IL17B: variants seen among roughly 807,000 people sequenced by gnomAD.
IL17B encodes interleukin 17B, also known as interleukin-17B.
A neutral mutation model predicts 14.7 loss-of-function variants in IL17B; 14 were observed. The ratio of observed to expected loss-of-function variants is 0.95; its 90% CI spans 0.63 to 1.49. The LOEUF (loss-of-function observed/expected upper bound fraction) is 1.49. Ranked by LOEUF, IL17B falls within the 40% of genes most tolerant of loss-of-function variation. The pLI is 0.00. For synonymous variants in IL17B, 105 were observed against 94.8 expected (o/e 1.11, Z -0.62); for missense variants, 233 against 252.8 (o/e 0.92, Z 0.53).
At chr5:149,388,983 G>C (rs1758884967) in intron 1 of IL17B, among the ~76,000 whole-genome samples, 2 of 152,252 alleles carry the variant, frequency 1.3e-5, no homozygotes, top group South Asian at 4.1e-4. Context: ...GAGGCTGAGA[G>C]GATGGGTGTA....
chr5:149,376,090 G>C (rs1002552433), intron 2 of IL17B, among the ~76,000 whole-genome samples: 1 of 152,130 alleles, frequency 6.6e-6, no homozygotes, highest in Non-Finnish European at 1.5e-5. Context: ...GGACCTCAGG[G>C]TCAGCCCTTT....
chr5:149,374,570 C>T lies in IL17B; in HGVS notation c.342G>A (p.Val114=). 3 of 1,612,622 alleles carry T rather than the reference C, an allele frequency of 1.9e-6. No individual in the cohort carries two copies. Among genetic ancestry groups the T allele is most frequent in the Non-Finnish European group, 2.5e-6 (3 of 1,179,424 alleles). ...ACAGGCACCGTGCCTCCGGCAGGTC[C>T]ACGGGGATACGGCTGGGGTCGTGGT... The part of the protein sequence containing the change: ...SINHDPSRIP[V]DLPEARCLCL... Residue 114 remains valine (V), a synonymous_variant, in exon 3 of 3, where the codon GTG becomes GTA. Coordinates refer to ENST00000261796, the MANE Select transcript of IL17B (RefSeq NM_014443.3). The surrounding 1 kb of genome is among the most constrained non-coding windows in gnomAD (Gnocchi z 5.0).
intron 1 of IL17B, among the ~76,000 whole-genome samples, chr5:149,396,515 G>A (rs1428391617): frequency 2.6e-5 from 4 of 152,180 alleles, no homozygotes; most frequent in African/African-American, 7.2e-5. Context: ...CAGCACTTTA[G>A]GAGGCTGAGG....
intron 1 of IL17B, among the ~76,000 whole-genome samples, chr5:149,390,225 CCT>C (rs1491471064): frequency 2.0e-5 from 3 of 146,686 alleles, no homozygotes; most frequent in Admixed American, 6.7e-5. Flanking sequence ...TGACCCCCCC[CCT>C]CCCTGTCCCT....
At chr5:149,387,406 A>G (rs1758846752) in intron 1 of IL17B, among the ~76,000 whole-genome samples, 1 of 152,142 alleles carries the variant, frequency 6.6e-6, no homozygotes, top group Non-Finnish European at 1.5e-5. Flanking sequence ...CCAGCCAAGG[A>G]CCCACGCAGA....
chr5:149,388,839 G>A (rs1407762791), intron 1 of IL17B, among the ~76,000 whole-genome samples: 1 of 152,238 alleles, frequency 6.6e-6, no homozygotes, highest in African/African-American at 2.4e-5. Context: ...CAGATCTGCA[G>A]AGGTCAAAAA....
intron 1 of IL17B, among the ~76,000 whole-genome samples, chr5:149,400,449 C>A (rs140602896): frequency 0.018 from 2,692 of 152,248 alleles, 33 homozygotes; most frequent in Middle Eastern, 0.041. Flanking sequence ...TTTAAGCCAC[C>A]CTGTCTGGAT....
intron 1 of IL17B, among the ~76,000 whole-genome samples, chr5:149,385,411 T>C (rs1758804918): frequency 1.3e-5 from 2 of 152,170 alleles, no homozygotes; most frequent in South Asian, 4.1e-4. Flanking sequence ...CCCAAAGTGC[T>C]GGCATTACAG....
chr5:149,395,130 C>T (rs755379673), intron 1 of IL17B, among the ~76,000 whole-genome samples: 9 of 152,102 alleles, frequency 5.9e-5, no homozygotes, highest in Non-Finnish European at 1.2e-4. Context: ...TTTTCTATTC[C>T]TGCATTAGTT....
intron 1 of IL17B, among the ~76,000 whole-genome samples, chr5:149,401,845 G>C (rs1759210255): frequency 6.6e-6 from 1 of 152,174 alleles, no homozygotes; most frequent in Non-Finnish European, 1.5e-5. Flanking sequence ...CTATAGTGAA[G>C]TAAGCCCAAA....
intron 2 of IL17B, chr5:149,375,120 C>T (rs957227186): frequency 6.5e-6 from 1 of 152,998 alleles, no homozygotes. Flanking sequence ...TTATTGATGC[C>T]TAATTTCCAC....
chr5:149,393,704 C>T (rs1460273034), intron 1 of IL17B, among the ~76,000 whole-genome samples: 3 of 152,040 alleles, frequency 2.0e-5, no homozygotes, highest in African/African-American at 7.2e-5. Context: ...CTTCCTTCCT[C>T]CACAATGTAT....
chr5:149,392,557 C>T (rs1209530236), intron 1 of IL17B, among the ~76,000 whole-genome samples: 1 of 152,186 alleles, frequency 6.6e-6, no homozygotes, highest in East Asian at 1.9e-4. Flanking sequence ...TATGTGCTTG[C>T]ATTTGCATAG....
chr5:149,375,362 A>T (rs1165974892), intron 2 of IL17B, among the ~76,000 whole-genome samples: 2 of 152,186 alleles, frequency 1.3e-5, no homozygotes, highest in African/African-American at 4.8e-5. Flanking sequence ...GGGACAAGGA[A>T]GTGGGTGAAC....
chr5:149,380,065 G>C (rs1029502672), upstream of IL17B, among the ~76,000 whole-genome samples: 3 of 152,134 alleles, frequency 2.0e-5, no homozygotes, highest in Non-Finnish European at 4.4e-5. Context: ...CTCCCTCCTG[G>C]GGTGGTCTCC....
chr5:149,382,183 TG>T (rs1446508583), upstream of IL17B, among the ~76,000 whole-genome samples: 4 of 152,080 alleles, frequency 2.6e-5, no homozygotes, highest in Non-Finnish European at 5.9e-5. Context: ...GGCGAGTGGG[TG>T]GGGCCCTGCG....
At chr5:149,382,984 G>T (rs1261853949), upstream of IL17B, among the ~76,000 whole-genome samples, 4 of 152,252 alleles carry the variant, frequency 2.6e-5, no homozygotes, top group Non-Finnish European at 5.9e-5. Context: ...AGAAGGAAGT[G>T]CAGCCGGGAG....
chr5:149,376,943 G>A lies in IL17B; in HGVS notation c.104C>T (p.Pro35Leu), dbSNP rs1247776980. ...GTGAGGGCCAGGGGCCAGGGGCCCA[G>A]GCCGCCCTTGCCCCTTCCTCTTGCT... is the stretch of plus-strand genomic sequence containing the variant. ...PKSKRKGQGR[P>L]GPLAPGPHQV... The change falls in exon 2 of 3, where the codon CCT becomes CTT. Residue 35 changes from proline (P) to leucine (L), a missense_variant. Physicochemically the swap from Pro to Leu is moderately conservative, Grantham distance 98 (BLOSUM62 -3). Transcript: ENST00000261796. 3 of 1,612,866 alleles carry A rather than the reference G, an allele frequency of 1.9e-6. No homozygotes were observed. The African/African-American group carries it at 4.0e-5, about 22-fold the overall frequency.
chr5:149,393,573 A>G (rs1263068654), intron 1 of IL17B, among the ~76,000 whole-genome samples: 1 of 152,244 alleles, frequency 6.6e-6, no homozygotes, highest in African/African-American at 2.4e-5. Context: ...GAGCTCTCTC[A>G]TATCACTTAA....
Sources: allele counts gnomAD v4.1 joint callset (sites outside exome capture counted in the v4.1 genomes callset), GRCh38; gene constraint gnomAD v4.1.1; non-coding constraint Gnocchi (gnomAD v3.1); transcripts MANE v1.5; gene names NCBI Gene and HGNC (gene_info 2026-07-23, HGNC 2026-07-21).